The following RPS6KC1 variants were observed in gnomAD, a reference collection of about 807,000 sequenced individuals.
RPS6KC1 encodes the protein ribosomal protein S6 kinase C1, also known as inactive ribosomal protein S6 kinase delta-1.
A neutral mutation model predicts 103.8 loss-of-function variants in RPS6KC1; 54 were observed. The observed-to-expected ratio is 0.52, with a 90% CI of 0.42 to 0.65. The LOEUF is 0.65. Ranked by LOEUF, RPS6KC1 falls within the 30% of genes least tolerant of loss-of-function variation. RPS6KC1 has a pLI of 0.00. For synonymous variants in RPS6KC1, 439 were observed against 438.7 expected, an observed-to-expected ratio of 1.00 and a Z score of -0.01; for missense variants, 1,151 against 1,253.8, an observed-to-expected ratio of 0.92 and a Z score of 1.24.
At chr1:213,407,825 C>T in the RPS6KC1 span, among the ~76,000 whole-genome samples, 1 of 152,150 alleles carries the variant, frequency 6.6e-6, no homozygotes, top group Admixed American at 6.5e-5. Context: ...ACTGGACAGT[C>T]CATATGATTG....
chr1:213,664,036 C>T, the RPS6KC1 span, among the ~76,000 whole-genome samples: 1 of 152,194 alleles, frequency 6.6e-6, no homozygotes, highest in Non-Finnish European at 1.5e-5. Context: ...GGGAGAGCCG[C>T]CACCTCACCC....
At chr1:213,759,509 C>T in the RPS6KC1 span, among the ~76,000 whole-genome samples, 1 of 152,208 alleles carries the variant, frequency 6.6e-6, no homozygotes, top group Admixed American at 6.5e-5. Flanking sequence ...CATGCATGGC[C>T]ACGTGCCATT....
the RPS6KC1 span, among the ~76,000 whole-genome samples, chr1:213,504,023 T>C: frequency 1.4e-4 from 22 of 152,300 alleles, no homozygotes; most frequent in African/African-American, 4.6e-4. Context: ...AAATACATCA[T>C]GATTTATGTA....
At chr1:213,248,385 A>T (rs1403521156) in intron 12 of RPS6KC1, among the ~76,000 whole-genome samples, 1 of 152,184 alleles carries the variant, frequency 6.6e-6, no homozygotes, top group Admixed American at 6.5e-5. Flanking sequence ...TCCTTGAATG[A>T]TTAACAAGTA....
At chr1:213,148,959 A>G (rs1287518740) in intron 6 of RPS6KC1, among the ~76,000 whole-genome samples, 1 of 152,114 alleles carries the variant, frequency 6.6e-6, no homozygotes, top group East Asian at 1.9e-4. Context: ...CAATTTATTG[A>G]CATATAGTTG....
chr1:213,123,115 G>A (rs913849501), intron 5 of RPS6KC1, among the ~76,000 whole-genome samples: 7 of 152,076 alleles, frequency 4.6e-5, no homozygotes, highest in Non-Finnish European at 1.0e-4. Flanking sequence ...GCCATGTGCC[G>A]AAGATACTCC....
Position 213,232,305 on chromosome 1 carries a change from A to G in RPS6KC1, c.1225+50A>G. ...ATGCAGTGAAGAATGTCACCTACTTAGCTTCCAGTTTCTCTCTGTCATTTC... is the reference window on the plus strand; with the variant it reads ...ATGCAGTGAAGAATGTCACCTACTTGGCTTCCAGTTTCTCTCTGTCATTTC... On this transcript the variant is annotated intron_variant, in intron 10 of 14. Transcript: ENST00000366960. 6 of 1,609,394 alleles carry G rather than the reference A, an allele frequency of 3.7e-6. No homozygotes were observed. In the South Asian group the frequency reaches 6.6e-5, roughly 18 times the overall value.
chr1:213,428,387 C>A, the RPS6KC1 span, among the ~76,000 whole-genome samples: 3 of 150,392 alleles, frequency 2.0e-5, no homozygotes, highest in Admixed American at 6.6e-5. Flanking sequence ...TCTTTTTTAC[C>A]TCCCTCTCTC....
chr1:213,629,682 C>T, the RPS6KC1 span, among the ~76,000 whole-genome samples: 11,936 of 151,762 alleles, frequency 0.079, 623 homozygotes, highest in African/African-American at 0.14. Context: ...CTAGCCTCGA[C>T]GGTCTTTACA....
chr1:213,297,703 C>T, the RPS6KC1 span, among the ~76,000 whole-genome samples: 189 of 152,152 alleles, frequency 1.2e-3, no homozygotes, highest in African/African-American at 3.5e-3. Context: ...CTCAAGCTCC[C>T]GGGCTCAAGT....
At chr1:213,793,134 G>A in the RPS6KC1 span, among the ~76,000 whole-genome samples, 1 of 152,136 alleles carries the variant, frequency 6.6e-6, no homozygotes, top group Non-Finnish European at 1.5e-5. Context: ...GGAATTACAG[G>A]TTCGGTCGTG....
the RPS6KC1 span, among the ~76,000 whole-genome samples, chr1:213,553,701 G>T: frequency 6.6e-6 from 1 of 151,858 alleles, no homozygotes; most frequent in African/African-American, 2.4e-5. Flanking sequence ...GTTATTTTTT[G>T]ATTTTTTTAA....
At chr1:213,367,797 C>T in the RPS6KC1 span, among the ~76,000 whole-genome samples, 1 of 149,996 alleles carries the variant, frequency 6.7e-6, no homozygotes, top group South Asian at 2.1e-4. Context: ...GAAACTCTAA[C>T]TGGCTTAAGG....
chr1:213,250,402 A>G (rs1056176507), intron 12 of RPS6KC1, among the ~76,000 whole-genome samples: 1 of 152,240 alleles, frequency 6.6e-6, no homozygotes, highest in African/African-American at 2.4e-5. Flanking sequence ...TTGAATAAGC[A>G]ATTGAGTACA....
chr1:213,751,228 C>T, the RPS6KC1 span, among the ~76,000 whole-genome samples: 1 of 152,060 alleles, frequency 6.6e-6, no homozygotes. Flanking sequence ...ATAAAATCAT[C>T]CTGGCAGCCA....
At chr1:213,339,277 AAAATAAAT>A in the RPS6KC1 span, among the ~76,000 whole-genome samples, 1 of 152,164 alleles carries the variant, frequency 6.6e-6, no homozygotes, top group South Asian at 2.1e-4. Flanking sequence ...AAAAAATAAG[AAAATAAAT>A]AAATAAATAA....
At chr1:213,160,263 A>T (rs2090332101) in intron 6 of RPS6KC1, among the ~76,000 whole-genome samples, 1 of 152,260 alleles carries the variant, frequency 6.6e-6, no homozygotes, top group East Asian at 1.9e-4. Flanking sequence ...GGAACACATC[A>T]TTCAAAATTA....
At chr1:213,599,399 G>A in the RPS6KC1 span, among the ~76,000 whole-genome samples, 1 of 142,424 alleles carries the variant, frequency 7.0e-6, no homozygotes, top group Admixed American at 7.3e-5. Context: ...CCAAGCACCA[G>A]AAGAATCATA....
chr1:213,363,608 T>A, the RPS6KC1 span, among the ~76,000 whole-genome samples: 1 of 67,700 alleles, frequency 1.5e-5, no homozygotes, highest in Non-Finnish European at 2.8e-5. Flanking sequence ...CTCGCTCGCT[T>A]GCTTGCTTGC....
Sources: gnomAD v4.1 joint callset for allele counts (sites outside exome capture counted in the v4.1 genomes callset) on GRCh38, gnomAD v4.1.1 for gene constraint, MANE v1.5 for transcripts, NCBI Gene and HGNC (gene_info 2026-07-23, HGNC 2026-07-21) for gene names.